IL1RAPL2: variants seen among roughly 807,000 people sequenced by gnomAD.
The protein encoded by IL1RAPL2 is X-linked interleukin-1 receptor accessory protein-like 2.
A neutral mutation model predicts 44.1 loss-of-function variants in IL1RAPL2; 3 were observed. The observed-to-expected ratio is 0.07, with a 90% CI of 0.03 to 0.18. IL1RAPL2 has a LOEUF of 0.18. IL1RAPL2 is among the 10% of genes least tolerant of loss of function. The probability of loss-of-function intolerance (pLI) is 1.00; values close to 1 mark genes in which losing one functional copy is unlikely to be tolerated. For synonymous variants in IL1RAPL2, 181 were observed against 178.8 expected, an observed-to-expected ratio of 1.01 and a Z score of -0.10; for missense variants, 391 against 496.4, an observed-to-expected ratio of 0.79 and a Z score of 2.02.
chrX:104,722,811 T>A (rs1169600521), intron 2 of IL1RAPL2, among the ~76,000 whole-genome samples: 2 of 111,790 alleles, frequency 1.8e-5, no homozygotes, highest in African/African-American at 6.5e-5. Context: ...ACACAGGACA[T>A]GCATGGAAAC....
intron 6 of IL1RAPL2, among the ~76,000 whole-genome samples, chrX:105,633,518 T>C (rs1034254697): frequency 5.4e-5 from 6 of 111,472 alleles, no homozygotes; most frequent in African/African-American, 2.0e-4. Context: ...TCAACACTAA[T>C]AGTTCTGTTA....
intron 6 of IL1RAPL2, among the ~76,000 whole-genome samples, chrX:105,612,103 T>G (rs1379312511): frequency 9.0e-6 from 1 of 111,019 alleles, no homozygotes; most frequent in Non-Finnish European, 1.9e-5. Flanking sequence ...TTTGTTTGTT[T>G]GTTTGTTTGT....
chrX:105,410,154 G>T (rs1226079280), intron 5 of IL1RAPL2, among the ~76,000 whole-genome samples: 4 of 110,568 alleles, frequency 3.6e-5, no homozygotes, highest in Non-Finnish European at 5.7e-5. Flanking sequence ...ATATTAATTA[G>T]CCATCCATAT....
intron 2 of IL1RAPL2, among the ~76,000 whole-genome samples, chrX:104,924,717 A>T (rs1214629303): frequency 9.0e-6 from 1 of 111,434 alleles, no homozygotes; most frequent in Non-Finnish European, 1.9e-5. Context: ...AGGAAAGTTT[A>T]TAGTATTAAA....
At chrX:104,648,164 C>G (rs1051020810) in intron 1 of IL1RAPL2, among the ~76,000 whole-genome samples, 1 of 111,661 alleles carries the variant, frequency 9.0e-6, no homozygotes, top group Non-Finnish European at 1.9e-5. Flanking sequence ...GGAATCATAT[C>G]TATTTTTCAT....
chrX:105,307,593 TTA>T (rs1267358323), intron 5 of IL1RAPL2, among the ~76,000 whole-genome samples: 1 of 48,173 alleles, frequency 2.1e-5, no homozygotes, highest in Non-Finnish European at 3.1e-5. Context: ...ATATTTTCTA[TTA>T]TATATATTAT....
intron 4 of IL1RAPL2, among the ~76,000 whole-genome samples, chrX:105,242,370 G>A (rs782337869): frequency 8.9e-6 from 1 of 112,197 alleles, no homozygotes. Flanking sequence ...TTTGATTTAA[G>A]CACTTATTCC....
intron 6 of IL1RAPL2, among the ~76,000 whole-genome samples, chrX:105,675,060 C>T (rs182046865): frequency 1.2e-3 from 128 of 110,645 alleles, no homozygotes; most frequent in Non-Finnish European, 1.5e-3. Flanking sequence ...GAAGCTTTGG[C>T]GCTGAGACGA....
intron 4 of IL1RAPL2, among the ~76,000 whole-genome samples, chrX:105,260,190 T>C (rs2034346341): frequency 9.1e-6 from 1 of 109,467 alleles, no homozygotes; most frequent in Non-Finnish European, 1.9e-5. Flanking sequence ...GTGCTGGGGG[T>C]CTGTTCTAGC....
chrX:104,922,246 G>T (rs935221398), intron 2 of IL1RAPL2, among the ~76,000 whole-genome samples: 1 of 112,894 alleles, frequency 8.9e-6, no homozygotes, highest in Non-Finnish European at 1.9e-5. Flanking sequence ...TGCCATCAGC[G>T]CAAATGCTGT....
At chrX:105,402,876 G>A (rs754504566) in intron 5 of IL1RAPL2, among the ~76,000 whole-genome samples, 5 of 111,115 alleles carry the variant, frequency 4.5e-5, no homozygotes, top group Non-Finnish European at 3.8e-5. Context: ...CTAATTTAAG[G>A]CATTTATTAA....
chrX:105,592,589 G>C (rs1271634970), intron 6 of IL1RAPL2, among the ~76,000 whole-genome samples: 1 of 111,497 alleles, frequency 9.0e-6, no homozygotes, highest in Non-Finnish European at 1.9e-5. Flanking sequence ...TCCATATCTA[G>C]CACTCCCTTA....
At position 105,641,194 on chromosome X, in the gene IL1RAPL2, G is replaced by T. The variant is rs192220291; in HGVS notation, c.773-76173G>T. ...CCACAAAAGTACTTAATTTGTGCTT[G>T]AGGGCTTTTTATTTTATTTTATTTT... is the stretch of plus-strand genomic sequence containing the variant. On this transcript the variant is annotated intron_variant, in intron 6 of 10. Coordinates refer to ENST00000372582, the MANE Select transcript of IL1RAPL2 (RefSeq NM_017416.2). Among the ~76,000 whole-genome samples, 19 of 80,749 alleles carry T rather than the reference G, an allele frequency of 2.4e-4. No individual in the cohort carries two copies. The East Asian group carries it at 7.3e-3, about 31-fold the overall frequency. 70.1% of individuals were successfully genotyped at this position (80,749 alleles called of 115,157 possible). A position where few individuals can be genotyped will look rare whatever the true frequency, so the allele number is the denominator to read the frequency against.
At chrX:105,110,373 G>A (rs769599234) in intron 2 of IL1RAPL2, among the ~76,000 whole-genome samples, 1 of 112,055 alleles carries the variant, frequency 8.9e-6, no homozygotes, top group East Asian at 2.8e-4. Flanking sequence ...GTTCTCTGCT[G>A]TTACCTCTGA....
chrX:104,651,117 C>G (rs952713953), intron 1 of IL1RAPL2, among the ~76,000 whole-genome samples: 1 of 111,965 alleles, frequency 8.9e-6, no homozygotes, highest in African/African-American at 3.2e-5. Flanking sequence ...TTAATTGACT[C>G]TTCTGTGGAA....
chrX:105,239,277 T>G (rs1393221747), intron 4 of IL1RAPL2, among the ~76,000 whole-genome samples: 3 of 112,259 alleles, frequency 2.7e-5, no homozygotes, highest in African/African-American at 9.7e-5. Context: ...ATTTAAAATC[T>G]GTTGTGTAAC....
intron 2 of IL1RAPL2, among the ~76,000 whole-genome samples, chrX:105,022,419 A>C (rs2031297602): frequency 9.0e-6 from 1 of 111,653 alleles, no homozygotes; most frequent in Non-Finnish European, 1.9e-5. Context: ...AAGGATTCAC[A>C]GTCACACGTA....
At chrX:104,888,374 G>A (rs1255396967) in intron 2 of IL1RAPL2, among the ~76,000 whole-genome samples, 1 of 110,491 alleles carries the variant, frequency 9.1e-6, no homozygotes, top group Non-Finnish European at 1.9e-5. Context: ...CAGACAAAAA[G>A]GGAGTCAGAA....
intron 5 of IL1RAPL2, among the ~76,000 whole-genome samples, chrX:105,341,796 G>C (rs757815144): frequency 9.1e-6 from 1 of 110,338 alleles, no homozygotes; most frequent in Non-Finnish European, 1.9e-5. Flanking sequence ...CCGAGCATGG[G>C]GGCGGGAGCC....
Sources: gnomAD v4.1 joint callset for allele counts (sites outside exome capture counted in the v4.1 genomes callset) on GRCh38, gnomAD v4.1.1 for gene constraint, MANE v1.5 for transcripts, NCBI Gene and HGNC (gene_info 2026-07-23, HGNC 2026-07-21) for gene names.